Variants in SI observed in about 807,000 individuals in gnomAD.
SI encodes sucrase-isomaltase, intestinal.
Under a neutral mutation model 253.3 loss-of-function variants are expected in SI, and 235 were observed. The observed-to-expected ratio is 0.93, with a 90% CI of 0.83 to 1.03. The LOEUF is 1.03. SI is among the 50% of genes least tolerant of loss of function. SI has a pLI of 0.00. For missense variants in SI, 2,442 were observed against 2,211.1 expected, an observed-to-expected ratio of 1.10 and a Z score of -2.09; for synonymous variants, 819 against 712.0, an observed-to-expected ratio of 1.15 and a Z score of -2.39.
At chr3:165,088,060 A>G in the SI span, among the ~76,000 whole-genome samples, 1 of 152,292 alleles carries the variant, frequency 6.6e-6, no homozygotes, top group African/African-American at 2.4e-5. Context: ...AATAAAAAAT[A>G]AAGGTCCAGG....
At position 165,043,187 on chromosome 3, in the gene SI, A is replaced by T. The variant is rs757335669; in HGVS notation, c.1888-12T>A. On this transcript the variant is annotated splice_polypyrimidine_tract_variant and intron_variant, in intron 16 of 47. Coordinates refer to ENST00000264382, the MANE Select transcript of SI (RefSeq NM_001041.4). ...ATGTCTGCTCCAACCTAAATAACAA[A>T]TATATTTACTATTTATAATGTTAAG... 15 of 1,539,882 alleles carry T rather than the reference A, an allele frequency of 9.7e-6. No individual in the cohort carries two copies. The highest frequency in any genetic ancestry group is 2.7e-5 in the African/African-American group (2 of 73,080).
At chr3:165,039,757 T>A (rs959116174) in intron 19 of SI, 130 bp downstream of exon 19, 17 of 732,914 alleles carry the variant, frequency 2.3e-5, no homozygotes, top group Middle Eastern at 3.0e-4. Context: ...CATCGTAGAA[T>A]TCCAACTTGA....
chr3:164,989,883 T>A (rs1198682328), intron 44 of SI, among the ~76,000 whole-genome samples: 1 of 152,108 alleles, frequency 6.6e-6, no homozygotes, highest in Non-Finnish European at 1.5e-5. Context: ...AAATACAATA[T>A]TACAGAGATA....
chr3:165,056,169 T>C (rs1297811008), intron 12 of SI, among the ~76,000 whole-genome samples: 2 of 152,156 alleles, frequency 1.3e-5, no homozygotes, highest in Non-Finnish European at 2.9e-5. Flanking sequence ...GTCTGATCTG[T>C]CCATAAGGAA....
intron 17 of SI, 85 bp from the exon 18 acceptor site, chr3:165,041,179 A>G: frequency 8.5e-7 from 1 of 1,172,752 alleles, no homozygotes; most frequent in Non-Finnish European, 1.3e-6. Flanking sequence ...TGCTTTTTAA[A>G]GCAACTACAT....
At chr3:164,986,992 G>A (rs1717468593) in intron 45 of SI, 146 bp downstream of exon 45, 3 of 682,234 alleles carry the variant, frequency 4.4e-6, no homozygotes, top group African/African-American at 3.6e-5. Context: ...TCTTTAAGTT[G>A]ATTCAGTGAA....
At chr3:165,020,216 A>G (rs1207389644) in intron 27 of SI, among the ~76,000 whole-genome samples, 5 of 151,722 alleles carry the variant, frequency 3.3e-5, no homozygotes, top group Admixed American at 6.6e-5. Flanking sequence ...ACAGATATTC[A>G]AATGTTTAAC....
intron 31 of SI, among the ~76,000 whole-genome samples, chr3:165,016,888 C>G (rs1197993651): frequency 6.6e-6 from 1 of 151,808 alleles, no homozygotes; most frequent in Non-Finnish European, 1.5e-5. Flanking sequence ...TTCAGGAACT[C>G]TATATTGGAC....
intron 3 of SI, among the ~76,000 whole-genome samples, chr3:165,073,754 AAAC>A (rs1714753545): frequency 6.6e-6 from 1 of 152,160 alleles, no homozygotes; most frequent in Non-Finnish European, 1.5e-5. Flanking sequence ...TGTAAATAAA[AAAC>A]AATACATTAT....
At chr3:165,034,792 A>G (rs771419348) in intron 22 of SI, among the ~76,000 whole-genome samples, 7 of 152,056 alleles carry the variant, frequency 4.6e-5, no homozygotes, top group Non-Finnish European at 8.8e-5. Context: ...TAACTGAGTA[A>G]AATGGAGGAT....
intron 20 of SI, 130 bp from the exon 21 acceptor site, chr3:165,038,154 T>C: frequency 1.2e-6 from 1 of 804,032 alleles, no homozygotes; most frequent in Non-Finnish European, 1.9e-6. Context: ...TATTGTTTTC[T>C]AACTTTAGGA....
intron 5 of SI, 88 bp downstream of exon 5, chr3:165,068,634 A>T (rs1340295533): frequency 2.2e-6 from 2 of 924,686 alleles, no homozygotes; most frequent in African/African-American, 1.6e-5. Flanking sequence ...CAGCTTCCCA[A>T]AGTGCTGGTA....
intron 27 of SI, among the ~76,000 whole-genome samples, chr3:165,020,880 A>G (rs1484304528): frequency 1.3e-5 from 2 of 151,716 alleles, no homozygotes; most frequent in African/African-American, 2.4e-5. Flanking sequence ...AACAGTTTCA[A>G]TAAAATATTT....
chr3:165,089,395 G>A, the SI span, among the ~76,000 whole-genome samples: 1 of 152,066 alleles, frequency 6.6e-6, no homozygotes, highest in East Asian at 1.9e-4. Context: ...ACTTTAGAGA[G>A]CCAACCCTAT....
At chr3:165,068,070 G>T (rs1034498519) in intron 5 of SI, among the ~76,000 whole-genome samples, 10 of 151,704 alleles carry the variant, frequency 6.6e-5, no homozygotes, top group African/African-American at 1.2e-4. Flanking sequence ...CTAAAAAAAA[G>T]AATCATAGTT....
chr3:165,065,415 C>T lies in SI; in HGVS notation c.653G>A (p.Gly218Asp), dbSNP rs775308282. The T allele has an allele frequency of 6.6e-7, 1 of 1,524,336 alleles. No individual in the cohort carries two copies. Among genetic ancestry groups the T allele is most frequent in the South Asian group, 1.1e-5 (1 of 87,548 alleles). The allele number at this position is 1,524,336 out of a possible 1,614,324, so 94.4% of individuals were successfully genotyped here. A position where few individuals can be genotyped will look rare whatever the true frequency, so the allele number is the denominator to read the frequency against. The change falls in exon 7 of 48, where the codon GGT becomes GAT. Residue 218 changes from glycine to aspartate, a missense_variant. Physicochemically the swap from Gly to Asp is moderately conservative, Grantham distance 94. Coordinates refer to ENST00000264382, the MANE Select transcript of SI (RefSeq NM_001041.4). Reference protein sequence around the residue: ...NGKTLFDTSIGPLVYSDQYLQ... With the variant: ...NGKTLFDTSIDPLVYSDQYLQ... ...GTACTGGTCAGAGTACACTAAGGGA[C>T]CAATGCTGGTGTCAAACCTGCACCA...
intron 34 of SI, among the ~76,000 whole-genome samples, chr3:165,010,427 C>T (rs1008943849): frequency 6.6e-6 from 1 of 152,136 alleles, no homozygotes; most frequent in African/African-American, 2.4e-5. Flanking sequence ...TCCCAAAGTG[C>T]TGGGATTACA....
chr3:165,013,197 T>C (rs1004739136), intron 33 of SI, among the ~76,000 whole-genome samples, 155 bp from the exon 34 acceptor site: 58 of 152,258 alleles, frequency 3.8e-4, no homozygotes, highest in African/African-American at 1.2e-3. Context: ...TTGACACACA[T>C]ACCATTTGCA....
chr3:165,066,884 C>T (rs987421842), intron 6 of SI, among the ~76,000 whole-genome samples: 5 of 151,890 alleles, frequency 3.3e-5, no homozygotes, highest in African/African-American at 1.2e-4. Flanking sequence ...TCTCTTGCAC[C>T]TACACCCCTC....
Sources: gnomAD v4.1 joint callset for allele counts (sites outside exome capture counted in the v4.1 genomes callset) on GRCh38, gnomAD v4.1.1 for gene constraint, MANE v1.5 for transcripts, NCBI Gene and HGNC (gene_info 2026-07-23, HGNC 2026-07-21) for gene names.